ACSS3: variants seen among roughly 807,000 people sequenced by gnomAD.
ACSS3 encodes the protein acyl-CoA synthetase short chain family member 3, also known as acyl-CoA synthetase short-chain family member 3, mitochondrial.
In ACSS3, 64 loss-of-function variants were observed where a neutral mutation model predicts 84.2. That is an observed-to-expected ratio of 0.76 (90% CI 0.62 to 0.94). The LOEUF is 0.94. Ranked by LOEUF, ACSS3 falls within the 40% of genes least tolerant of loss-of-function variation. The pLI is 0.00. For missense variants in ACSS3, 815 were observed against 867.6 expected (o/e 0.94, Z 0.76); for synonymous variants, 317 against 310.1 (o/e 1.02, Z -0.23).
chr12:81,196,774 G>A (rs1373545766), intron 8 of ACSS3, among the ~76,000 whole-genome samples: 2 of 152,102 alleles, frequency 1.3e-5, no homozygotes, highest in Non-Finnish European at 2.9e-5. Context: ...GAGAGAGGAA[G>A]CAAGAGGGAG....
chr12:81,152,734 G>C (rs917931247), intron 7 of ACSS3, among the ~76,000 whole-genome samples: 1 of 152,146 alleles, frequency 6.6e-6, no homozygotes, highest in Non-Finnish European at 1.5e-5. Flanking sequence ...CAAAGTCTTG[G>C]AGGGATAACT....
intron 2 of ACSS3, among the ~76,000 whole-genome samples, chr12:81,113,841 G>A (rs1457024419): frequency 6.6e-6 from 1 of 152,014 alleles, no homozygotes; most frequent in African/African-American, 2.4e-5. Context: ...TTATAACTCA[G>A]AAGATCTGCA....
intron 9 of ACSS3, among the ~76,000 whole-genome samples, chr12:81,210,221 G>A (rs1224793778): frequency 6.6e-6 from 1 of 152,070 alleles, no homozygotes; most frequent in African/African-American, 2.4e-5. Flanking sequence ...TAATCCTAAG[G>A]GTCGTAGACA....
intron 1 of ACSS3, among the ~76,000 whole-genome samples, chr12:81,099,593 G>A (rs879621146): frequency 1.1e-4 from 16 of 152,112 alleles, no homozygotes; most frequent in Admixed American, 9.8e-4. Flanking sequence ...GGAGAGGATG[G>A]TGGAATTGAG....
chr12:81,179,778 C>CAAA (rs201290758), intron 8 of ACSS3, among the ~76,000 whole-genome samples: 6 of 73,452 alleles, frequency 8.2e-5, no homozygotes, highest in East Asian at 6.4e-4. Flanking sequence ...GACTCCGTCT[C>CAAA]AAAAAAAAAA....
At chr12:81,162,949 G>A (rs540309445) in intron 7 of ACSS3, among the ~76,000 whole-genome samples, 1 of 152,256 alleles carries the variant, frequency 6.6e-6, no homozygotes, top group South Asian at 2.1e-4. Context: ...CATGCAGCAG[G>A]AGCAGGCACT....
chr12:81,203,820 T>G (rs538963165), intron 9 of ACSS3, among the ~76,000 whole-genome samples: 1 of 152,196 alleles, frequency 6.6e-6, no homozygotes, highest in Non-Finnish European at 1.5e-5. Flanking sequence ...ATGTATTATC[T>G]TCACAGTAAC....
intron 5 of ACSS3, among the ~76,000 whole-genome samples, chr12:81,148,500 A>G (rs529003975): frequency 2.0e-5 from 3 of 152,254 alleles, no homozygotes; most frequent in East Asian, 1.9e-4. Flanking sequence ...TTTAAACACC[A>G]TAAACATTGT....
chr12:81,121,820 G>A (rs1185478932), intron 2 of ACSS3, among the ~76,000 whole-genome samples: 2 of 152,006 alleles, frequency 1.3e-5, no homozygotes, highest in Non-Finnish European at 2.9e-5. Flanking sequence ...ATTATACAAT[G>A]TGCCATAACC....
At chr12:81,244,655 A>G (rs1255243156) in intron 13 of ACSS3, among the ~76,000 whole-genome samples, 2 of 152,176 alleles carry the variant, frequency 1.3e-5, no homozygotes, top group Admixed American at 1.3e-4. Flanking sequence ...CTAGTTTACA[A>G]ATAAGTCCAT....
chr12:81,201,805 A>AATGGGTAG (rs2135903165), intron 9 of ACSS3, among the ~76,000 whole-genome samples: 1 of 152,248 alleles, frequency 6.6e-6, no homozygotes, highest in East Asian at 1.9e-4. Context: ...AATATATTTG[A>AATGGGTAG]ATGGGTAGAT....
At chr12:81,206,944 C>T (rs188198106) in intron 9 of ACSS3, among the ~76,000 whole-genome samples, 16 of 152,130 alleles carry the variant, frequency 1.1e-4, no homozygotes, top group Non-Finnish European at 2.4e-4. Context: ...AAAAGAACAT[C>T]ATTTTTTAAA....
At chr12:81,133,164 A>G (rs1593109469) in intron 2 of ACSS3, among the ~76,000 whole-genome samples, 2 of 151,836 alleles carry the variant, frequency 1.3e-5, no homozygotes, top group East Asian at 3.9e-4. Context: ...AACCTTCACC[A>G]CACCTGTCCC....
Position 81,233,464 on chromosome 12 carries a change from T to C in ACSS3, c.1712T>C (p.Ile571Thr). 6.2e-7 allele frequency: 1 copy of C among 1,610,608 alleles called. No individual in the cohort carries two copies. The highest frequency in any genetic ancestry group is 1.1e-5 in the South Asian group (1 of 90,982). The change falls in exon 13 of 16, where the codon ATT (isoleucine) becomes ACT (threonine). Residue 571 changes from isoleucine to threonine, a missense_variant. Physicochemically the swap from Ile to Thr is moderately conservative, Grantham distance 89 (BLOSUM62 -1). Transcript: ENST00000548058. The stretch of plus-strand genomic sequence containing the variant: ...GGTCACAGAATTTCTGCAGGCGCCA[T>C]TGAAGAGGTATTGATGAATATTGGT... ...VAGHRISAGA[I>T]EESILSHGTV...
At chr12:81,094,211 T>TG in intron 1 of ACSS3, among the ~76,000 whole-genome samples, 1 of 151,314 alleles carries the variant, frequency 6.6e-6, no homozygotes, top group East Asian at 1.9e-4. Context: ...TGTGTGTGTG[T>TG]TTCTCTTTCC....
chr12:81,131,775 G>C (rs976511707), intron 2 of ACSS3, among the ~76,000 whole-genome samples: 1 of 152,096 alleles, frequency 6.6e-6, no homozygotes, highest in Non-Finnish European at 1.5e-5. Context: ...GTCATAAATA[G>C]CTCTTATTAT....
intron 8 of ACSS3, among the ~76,000 whole-genome samples, chr12:81,192,128 T>C (rs1388160248): frequency 1.3e-5 from 2 of 152,162 alleles, no homozygotes; most frequent in Non-Finnish European, 2.9e-5. Flanking sequence ...GTGCCTGTAA[T>C]CCCAGCACTT....
intron 1 of ACSS3, among the ~76,000 whole-genome samples, chr12:81,093,159 A>G (rs1881779386): frequency 6.6e-6 from 1 of 152,172 alleles, no homozygotes; most frequent in South Asian, 2.1e-4. Flanking sequence ...TTATTCAGAA[A>G]TAATTCTGAG....
chr12:81,246,065 T>C (rs2033975914), intron 13 of ACSS3, among the ~76,000 whole-genome samples: 1 of 152,126 alleles, frequency 6.6e-6, no homozygotes, highest in African/African-American at 2.4e-5. Context: ...CCAGGGTAAG[T>C]CAACAGCGAC....
Sources: allele counts gnomAD v4.1 joint callset (sites outside exome capture counted in the v4.1 genomes callset), GRCh38; gene constraint gnomAD v4.1.1; transcripts MANE v1.5; gene names NCBI Gene and HGNC (gene_info 2026-07-23, HGNC 2026-07-21).